LRIG2: variants seen among roughly 807,000 people sequenced by gnomAD.
LRIG2 encodes leucine-rich repeats and immunoglobulin-like domains protein 2.
In LRIG2, 93 loss-of-function variants were observed where a neutral mutation model predicts 107.8. The observed-to-expected ratio is 0.86, with a 90% confidence interval of 0.73 to 1.03. The LOEUF (loss-of-function observed/expected upper bound fraction) is 1.03. Ranked by LOEUF, LRIG2 falls within the 50% of genes least tolerant of loss-of-function variation. LRIG2 has a pLI of 0.00. For missense variants in LRIG2, 1,226 were observed against 1,296.0 expected (o/e 0.95, Z 0.83); for synonymous variants, 471 against 470.6 (o/e 1.00, Z -0.01).
rs1655713383 is a variant in LRIG2 at position 113,131,852 on chromosome 1, A to G, written c.*7751A>G. The G allele has an allele frequency of 6.7e-6, 1 of 148,532 alleles. No individual in the cohort carries two copies. Among genetic ancestry groups the G allele is most frequent in the Non-Finnish European group, 1.5e-5 (1 of 67,516 alleles). The allele number at this position is 148,532 out of a possible 1,614,324, so 9.2% of individuals were successfully genotyped here. A position where few individuals can be genotyped will look rare whatever the true frequency, so the allele number is the denominator to read the frequency against. On this transcript the variant is annotated 3_prime_UTR_variant, in exon 18 of 18. Transcript: ENST00000361127. Reference sequence around the variant, plus strand: ...TGTGTGTGTGTGTGTGTGAAGATGGAATAGGGTGAAGGTGAAGAAACAGCT... The same window carrying G: ...TGTGTGTGTGTGTGTGTGAAGATGGGATAGGGTGAAGGTGAAGAAACAGCT...
intron 11 of LRIG2, among the ~76,000 whole-genome samples, chr1:113,100,961 T>TATC (rs1288041987): frequency 6.6e-6 from 1 of 152,256 alleles, no homozygotes; most frequent in African/African-American, 2.4e-5. Context: ...TGTGTGTATG[T>TATC]ATCATTTTAT....
chr1:113,084,587 T>C (rs1653462522), intron 1 of LRIG2, among the ~76,000 whole-genome samples: 1 of 150,798 alleles, frequency 6.6e-6, no homozygotes, highest in South Asian at 2.1e-4. Context: ...GTCCTAATTA[T>C]GTTTCATTAT....
intron 11 of LRIG2, 188 bp downstream of exon 11, chr1:113,100,676 A>G: frequency 2.2e-6 from 1 of 463,270 alleles, no homozygotes; most frequent in Non-Finnish European, 4.1e-6. Context: ...TGAAAAGCCC[A>G]GAGTGTGTGG....
In LRIG2 at chr1:113,073,341, C is replaced by A; in HGVS notation, c.-66C>A. On this transcript the variant is annotated 5_prime_UTR_variant, in exon 1 of 18. Transcript: ENST00000361127. Reference sequence around the variant, plus strand: ...GCAGCCACCGAGCATCTCTGCTGAGCTTCTCCGCCGATCCTCCTTTTCTAG... The same window carrying A: ...GCAGCCACCGAGCATCTCTGCTGAGATTCTCCGCCGATCCTCCTTTTCTAG... 3 of 1,338,048 alleles carry A rather than the reference C, an allele frequency of 2.2e-6. No individual in the cohort carries two copies. Among genetic ancestry groups the A allele is most frequent in the East Asian group, 2.3e-5 (1 of 43,542 alleles). 82.9% of individuals were successfully genotyped at this position (1,338,048 alleles called of 1,614,324 possible). A position where few individuals can be genotyped will look rare whatever the true frequency, so the allele number is the denominator to read the frequency against.
chr1:113,091,397 AT>A lies in LRIG2; in HGVS notation c.305+17del. ...ATTACAGGAAGTGTAAGTTATTTTT[AT>A]TTATTTAAAGTTATGTTAAATTCCT... is the stretch of plus-strand genomic sequence containing the variant. On this transcript the variant is annotated intron_variant, in intron 2 of 17. Transcript: ENST00000361127. 1 of 1,533,854 alleles carries A rather than the reference AT, an allele frequency of 6.5e-7. No individual in the cohort carries two copies. Among genetic ancestry groups the A allele is most frequent in the Non-Finnish European group, 8.9e-7 (1 of 1,120,412 alleles).
At chr1:113,103,650 A>AC (rs35980836) in intron 11 of LRIG2, 1 of 153,974 alleles carries the variant, frequency 6.5e-6, no homozygotes, top group Non-Finnish European at 1.5e-5. Context: ...TCATCATTGG[A>AC]CCCCCAGACC....
chr1:113,086,257 G>T (rs1268404902), intron 1 of LRIG2, among the ~76,000 whole-genome samples: 1 of 151,754 alleles, frequency 6.6e-6, no homozygotes, highest in African/African-American at 2.4e-5. Context: ...CACACGCCTC[G>T]GTCTCCCAAA....
chr1:113,082,259 A>T (rs1166526252), intron 1 of LRIG2, among the ~76,000 whole-genome samples: 1 of 152,198 alleles, frequency 6.6e-6, no homozygotes, highest in Non-Finnish European at 1.5e-5. Context: ...TCTTCAAGAC[A>T]TTTTTGTTAG....
chr1:113,118,854 T>C (rs1778023), intron 16 of LRIG2, among the ~76,000 whole-genome samples: 138,948 of 152,114 alleles, frequency 0.91, 64,363 homozygotes, highest in Non-Finnish European at 0.98. Context: ...TTAGTAGAGA[T>C]GGGGTTTCAC....
Position 113,073,960 on chromosome 1 carries a change from A to C in LRIG2, c.239+315A>C, listed in dbSNP as rs930708936. ...GGACTCACGGGTCCTGGGCACCAGC[A>C]TTGACTTTGGATGGTTGGTGGGGCG... On this transcript the variant is annotated intron_variant, in intron 1 of 17. Coordinates refer to ENST00000361127, the MANE Select transcript of LRIG2 (RefSeq NM_014813.3). 4.3e-5 allele frequency among the ~76,000 whole-genome samples: 5 copies of C among 115,846 alleles called. No individual in the cohort carries two copies. The Admixed American group carries it at 6.1e-4, about 14-fold the overall frequency. The allele number at this position is 115,846 out of a possible 152,430, so 76.0% of individuals were successfully genotyped here. A position where few individuals can be genotyped will look rare whatever the true frequency, so the allele number is the denominator to read the frequency against.
rs1183690897 is a variant in LRIG2, at chr1:113,073,216, A to T, written c.-191A>T. On this transcript the variant is annotated 5_prime_UTR_variant, in exon 1 of 18. Transcript: ENST00000361127. ...GAGGGGCGGACGAGAGGTGTCCGTC[A>T]GGCCGTGTGTCCCAGGCCGTCGACC... 10 of 595,066 alleles carry T rather than the reference A, an allele frequency of 1.7e-5. No individual in the cohort carries two copies. The highest frequency in any genetic ancestry group is 1.4e-4 in the East Asian group (5 of 36,554). 36.9% of individuals were successfully genotyped at this position (595,066 alleles called of 1,614,324 possible). A position where few individuals can be genotyped will look rare whatever the true frequency, so the allele number is the denominator to read the frequency against.
chr1:113,124,149 G>A lies in LRIG2; in HGVS notation c.*48G>A, dbSNP rs752818271. The A allele has an allele frequency of 6.6e-7, 1 of 1,523,724 alleles. No homozygotes were observed. The highest frequency in any genetic ancestry group is 9.1e-7 in the Non-Finnish European group (1 of 1,101,340). The allele number at this position is 1,523,724 out of a possible 1,614,324, so 94.4% of individuals were successfully genotyped here. A position where few individuals can be genotyped will look rare whatever the true frequency, so the allele number is the denominator to read the frequency against. The stretch of plus-strand genomic sequence containing the variant: ...GGGCAGAGACTTATTAATTAATTTT[G>A]CATTTACTACCTCAGAGCTCAGAAG... On this transcript the variant is annotated 3_prime_UTR_variant, in exon 18 of 18. Transcript: ENST00000361127.
rs752424017 is a variant in LRIG2, at chr1:113,119,238, A to C, written c.2686A>C (p.Thr896Pro). 50 of 1,605,474 alleles carry C rather than the reference A, an allele frequency of 3.1e-5. No homozygotes were observed. In the East Asian group the frequency reaches 9.9e-4, roughly 32 times the overall value. ...GYIHKGTDGG[T>P]GTRVICSDCY... The stretch of plus-strand genomic sequence containing the variant: ...ATTCTTTTTCTTGTTATTAGGTGGC[A>C]CTGGTACCCGGGTGATTTGCTCAGA... Residue 896 changes from threonine to proline, a missense_variant, in exon 17 of 18, where the codon ACT (threonine) becomes CCT (proline). This residue lies in a region of LRIG2 where 642 missense variants were observed against 712.2 expected (regional missense o/e 0.90). Transcript: ENST00000361127.
intron 1 of LRIG2, among the ~76,000 whole-genome samples, chr1:113,081,764 G>T (rs776073717): frequency 1.3e-5 from 2 of 151,976 alleles, no homozygotes; most frequent in Non-Finnish European, 2.9e-5. Flanking sequence ...CAGGTGATCC[G>T]CCCACCTCAG....
chr1:113,124,262 C>G lies in LRIG2; in HGVS notation c.*161C>G. On this transcript the variant is annotated 3_prime_UTR_variant, in exon 18 of 18. Coordinates refer to ENST00000361127, the MANE Select transcript of LRIG2 (RefSeq NM_014813.3). ...GGGCCATGCGTTGTTTGGTCTTATA[C>G]CTGATGAAGAAATGGCAACAGCTGA... 2 of 635,612 alleles carry G rather than the reference C, an allele frequency of 3.1e-6. No individual in the cohort carries two copies. Among genetic ancestry groups the G allele is most frequent in the East Asian group, 5.5e-5 (2 of 36,506 alleles). 39.4% of individuals were successfully genotyped at this position (635,612 alleles called of 1,614,324 possible). A position where few individuals can be genotyped will look rare whatever the true frequency, so the allele number is the denominator to read the frequency against.
At position 113,126,024 on chromosome 1, in the gene LRIG2, T is replaced by C. The variant is rs1655473092; in HGVS notation, c.*1923T>C. ...GCAAATATTCCCCATGATGAACTCT[T>C]CCTACTATCACAATCAGGACTATGA... On this transcript the variant is annotated 3_prime_UTR_variant, in exon 18 of 18. Coordinates refer to ENST00000361127, the MANE Select transcript of LRIG2 (RefSeq NM_014813.3). 1.3e-5 allele frequency: 2 copies of C among 152,184 alleles called. No homozygotes were observed. Among genetic ancestry groups the C allele is most frequent in the Admixed American group, 1.3e-4 (2 of 15,274 alleles). 9.4% of individuals were successfully genotyped at this position (152,184 alleles called of 1,614,324 possible).
At chr1:113,097,269 A>G (rs1557906457) in intron 8 of LRIG2, among the ~76,000 whole-genome samples, 1 of 152,108 alleles carries the variant, frequency 6.6e-6, no homozygotes, top group Non-Finnish European at 1.5e-5. Context: ...ACAGAGCAGA[A>G]TAAAAGAAAA....
intron 1 of LRIG2, among the ~76,000 whole-genome samples, chr1:113,082,444 G>T (rs1653330891): frequency 6.6e-6 from 1 of 152,166 alleles, no homozygotes; most frequent in Non-Finnish European, 1.5e-5. Flanking sequence ...ATAAAGAAAA[G>T]AAGTTTAACT....
chr1:113,105,970 C>G (rs1292487885), intron 11 of LRIG2, among the ~76,000 whole-genome samples: 1 of 152,182 alleles, frequency 6.6e-6, no homozygotes, highest in Non-Finnish European at 1.5e-5. Context: ...TGGCTCACGC[C>G]TGTAATCCCA....
Sources: gnomAD v4.1 joint callset for allele counts (sites outside exome capture counted in the v4.1 genomes callset) on GRCh38, gnomAD v4.1.1 for gene constraint, gnomAD v4.1.1 regional missense constraint, MANE v1.5 for transcripts, NCBI Gene and HGNC (gene_info 2026-07-23, HGNC 2026-07-21) for gene names.